The following RORA variants were observed in gnomAD, a reference collection of about 807,000 sequenced individuals.
The protein encoded by RORA is nuclear receptor ROR-alpha.
Under a neutral mutation model 69.5 loss-of-function variants are expected in RORA, and 7 were observed. The ratio of observed to expected loss-of-function variants is 0.10; its 90% CI spans 0.06 to 0.19. The LOEUF is 0.19. Ranked by LOEUF, RORA falls within the 10% of genes least tolerant of loss-of-function variation. RORA has a pLI of 1.00. For missense variants in RORA, 457 were observed against 663.0 expected (o/e 0.69, Z 3.41); for synonymous variants, 261 against 240.8 (o/e 1.08, Z -0.78).
At chr15:61,224,939 T>C (rs2080132333) in intron 1 of RORA, among the ~76,000 whole-genome samples, 2 of 152,154 alleles carry the variant, frequency 1.3e-5, no homozygotes, top group Admixed American at 6.5e-5. Context: ...TAGAGGCATT[T>C]TCTAAAGCCA....
In RORA at chr15:61,043,996, C is replaced by T. The variant is rs193187326; in HGVS notation, c.166+185057G>A. On this transcript the variant is annotated intron_variant, in intron 1 of 10. Coordinates refer to ENST00000335670, the MANE Select transcript of RORA (RefSeq NM_134261.3). ...AAAGGATTGGACATCAGAAACAAAC[C>T]TAAAAAGAGCCACAAACACGGACCC... Among the ~76,000 whole-genome samples the T allele has an allele frequency of 9.9e-5, 15 of 152,208 alleles. No individual in the cohort carries two copies. In the East Asian group the frequency reaches 2.7e-3, roughly 27 times the overall value.
intron 1 of RORA, chr15:61,038,702 T>C (rs1896587166): frequency 6.6e-6 from 1 of 152,214 alleles, no homozygotes; most frequent in South Asian, 2.1e-4. Context: ...CAAAATACAC[T>C]GTGGTAGCGG....
At chr15:60,950,086 T>A (rs936049691) in intron 1 of RORA, among the ~76,000 whole-genome samples, 2 of 151,340 alleles carry the variant, frequency 1.3e-5, no homozygotes, top group African/African-American at 4.9e-5. Flanking sequence ...TAACAGCGGA[T>A]CTCTCGGCAG....
intron 1 of RORA, among the ~76,000 whole-genome samples, chr15:61,053,499 G>T (rs2078043547): frequency 6.6e-6 from 1 of 152,004 alleles, no homozygotes; most frequent in Admixed American, 6.6e-5. Flanking sequence ...TGATTTCCAT[G>T]GCTGCCATGA....
At chr15:60,719,678 G>C (rs1284153316) in intron 1 of RORA, among the ~76,000 whole-genome samples, 1 of 152,166 alleles carries the variant, frequency 6.6e-6, no homozygotes, top group African/African-American at 2.4e-5. Flanking sequence ...GCTACGTCCT[G>C]CTGCTGCTCC....
chr15:60,492,628 TATG>T lies in RORA; in HGVS notation c.*4824_*4826del, dbSNP rs1201103185. The T allele has an allele frequency of 2.0e-5, 3 of 152,288 alleles. No homozygotes were observed. The highest frequency in any genetic ancestry group is 2.9e-5 in the Non-Finnish European group (2 of 68,006). The allele number at this position is 152,288 out of a possible 1,614,324, so 9.4% of individuals were successfully genotyped here. ...GTAGAATTTGAAATAGTTTTTAACATATGATGCTATATATATATTTATCATGAA... is the reference window on the plus strand; with the variant it reads ...GTAGAATTTGAAATAGTTTTTAACATATGCTATATATATATTTATCATGAA... On this transcript the variant is annotated 3_prime_UTR_variant, in exon 11 of 11. Transcript: ENST00000335670.
At position 60,809,866 on chromosome 15, in the gene RORA, A is replaced by G. The variant is rs143736600; in HGVS notation, c.167-131180T>C. Reference sequence around the variant, plus strand: ...TCTACTTATTTCTTATTCAACTCCAAACTCTCCAAATGTAAGTTTCAATGC... The same window carrying G: ...TCTACTTATTTCTTATTCAACTCCAGACTCTCCAAATGTAAGTTTCAATGC... On this transcript the variant is annotated intron_variant, in intron 1 of 10. Coordinates refer to ENST00000335670, the MANE Select transcript of RORA (RefSeq NM_134261.3). Among the ~76,000 whole-genome samples, 265 of 152,052 alleles carry G rather than the reference A, an allele frequency of 1.7e-3. 1 individual carries two copies. The highest frequency in any genetic ancestry group is 6.1e-3 in the African/African-American group (254 of 41,442).
chr15:60,670,457 G>A (rs1381414066), intron 2 of RORA, among the ~76,000 whole-genome samples: 1 of 152,018 alleles, frequency 6.6e-6, no homozygotes, highest in Admixed American at 6.6e-5. Flanking sequence ...TGATCCGCCC[G>A]TCTCGGCCTC....
At chr15:60,518,618 C>T (rs1407728891) in intron 3 of RORA, among the ~76,000 whole-genome samples, 3 of 152,210 alleles carry the variant, frequency 2.0e-5, no homozygotes, top group Admixed American at 1.3e-4. Flanking sequence ...GATTCCCCTG[C>T]CCTGGTCACC....
At chr15:60,770,114 A>T (rs568560655) in intron 1 of RORA, among the ~76,000 whole-genome samples, 221 of 152,284 alleles carry the variant, frequency 1.5e-3, no homozygotes, top group African/African-American at 5.1e-3. Context: ...AAGAAAAGTC[A>T]TTTTAAAAAG....
intron 2 of RORA, among the ~76,000 whole-genome samples, chr15:60,626,438 G>C (rs1047958794): frequency 4.6e-5 from 7 of 152,120 alleles, no homozygotes; most frequent in African/African-American, 1.7e-4. Flanking sequence ...CCAAACTAAA[G>C]GGTGATTCTT....
intron 1 of RORA, among the ~76,000 whole-genome samples, chr15:60,783,293 TA>T (rs2072289596): frequency 6.6e-6 from 1 of 152,174 alleles, no homozygotes; most frequent in Admixed American, 6.5e-5. Context: ...AGGAGGCCCT[TA>T]AAACAGCTGT....
intron 1 of RORA, among the ~76,000 whole-genome samples, chr15:60,727,548 A>G (rs1204801038): frequency 6.6e-6 from 1 of 152,184 alleles, no homozygotes; most frequent in Non-Finnish European, 1.5e-5. Context: ...AGAACATTTT[A>G]AGCACAGATC....
Position 60,900,976 on chromosome 15 carries a change from C to T in RORA, c.167-222290G>A, listed in dbSNP as rs145053098. ...GTAAAGTATCTGCCCCTGACACATA[C>T]TACTTCCTGAATATTATTCCTTTCC... On this transcript the variant is annotated intron_variant, in intron 1 of 10. Transcript: ENST00000335670. 6.7e-3 allele frequency among the ~76,000 whole-genome samples: 1,015 copies of T among 152,244 alleles called. 8 individuals carry two copies. The highest frequency in any genetic ancestry group is 0.023 in the African/African-American group (966 of 41,538).
intron 1 of RORA, among the ~76,000 whole-genome samples, chr15:60,743,213 C>T (rs2140851611): frequency 6.6e-6 from 1 of 151,952 alleles, no homozygotes; most frequent in Admixed American, 6.5e-5. Context: ...CAGCATTTTG[C>T]CATGTTGACC....
intron 5 of RORA, 57 bp from the exon 6 acceptor site, chr15:60,505,686 T>C: frequency 6.3e-7 from 1 of 1,586,672 alleles, no homozygotes; most frequent in South Asian, 1.1e-5. Context: ...GAATAATTGG[T>C]GATTTAATAT....
At chr15:60,528,771 T>G (rs951402424) in intron 3 of RORA, 1 of 152,222 alleles carries the variant, frequency 6.6e-6, no homozygotes, top group African/African-American at 2.4e-5. Context: ...GGTACTTTCC[T>G]TAAATGCATG....
intron 1 of RORA, among the ~76,000 whole-genome samples, chr15:60,921,234 T>A (rs1289189021): frequency 3.3e-5 from 5 of 152,160 alleles, no homozygotes; most frequent in African/African-American, 7.2e-5. Context: ...TGTATAAGAA[T>A]ATTCACAGAG....
intron 2 of RORA, among the ~76,000 whole-genome samples, chr15:60,584,606 C>A (rs2068279241): frequency 1.3e-5 from 2 of 152,158 alleles, no homozygotes. Context: ...TATAAAAGCA[C>A]AAAGGTGGTA....
Sources: allele counts gnomAD v4.1 joint callset (sites outside exome capture counted in the v4.1 genomes callset), GRCh38; gene constraint gnomAD v4.1.1; transcripts MANE v1.5; gene names NCBI Gene and HGNC (gene_info 2026-07-23, HGNC 2026-07-21).